The following SLC8A3 variants were observed in gnomAD, a reference collection of about 807,000 sequenced individuals.
SLC8A3 encodes sodium/calcium exchanger 3.
A neutral mutation model predicts 65.4 loss-of-function variants in SLC8A3; 37 were observed. The observed-to-expected ratio is 0.57, with a 90% CI of 0.44 to 0.74. SLC8A3 has a LOEUF of 0.74. Ranked by LOEUF, SLC8A3 falls within the 30% of genes least tolerant of loss-of-function variation. SLC8A3 has a pLI of 0.00. For synonymous variants in SLC8A3, 461 were observed against 444.5 expected, an observed-to-expected ratio of 1.04 and a Z score of -0.47; for missense variants, 1,112 against 1,172.1, an observed-to-expected ratio of 0.95 and a Z score of 0.75.
intron 2 of SLC8A3, among the ~76,000 whole-genome samples, chr14:70,160,671 G>A (rs1396160456): frequency 6.6e-6 from 1 of 152,058 alleles, no homozygotes; most frequent in Non-Finnish European, 1.5e-5. Context: ...ACTTAGGTAG[G>A]AGAATTGCTG....
Position 70,048,810 on chromosome 14 carries a change from T to G in SLC8A3, c.2346A>C (p.Ser782=). Residue 782 remains serine, a synonymous_variant, in exon 6 of 7, where the codon TCA becomes TCC. Transcript: ENST00000356921. ...ATGCCACGAAAACAACAGCTGTGAC[T>G]GAATCTTTGAGACCAATGGTGCAGC... ...HFGCTIGLKD[S]VTAVVFVAFG... is the part of the protein sequence containing the mutation. 1 of 1,614,084 alleles carries G rather than the reference T, an allele frequency of 6.2e-7. No individual in the cohort carries two copies. Among genetic ancestry groups the G allele is most frequent in the Non-Finnish European group, 8.5e-7 (1 of 1,179,996 alleles).
intron 2 of SLC8A3, among the ~76,000 whole-genome samples, chr14:70,124,177 T>C (rs1313299349): frequency 2.0e-5 from 3 of 151,664 alleles, no homozygotes; most frequent in Non-Finnish European, 4.4e-5. Context: ...AGTAGAAAAA[T>C]AGTAGAACTA....
At chr14:70,121,456 T>G (rs1894045947) in intron 2 of SLC8A3, among the ~76,000 whole-genome samples, 1 of 152,238 alleles carries the variant, frequency 6.6e-6, no homozygotes, top group Admixed American at 6.5e-5. Flanking sequence ...TCTCGTCAAG[T>G]CTAACGTCCA....
At chr14:70,056,014 G>A (rs754281924) in intron 3 of SLC8A3, among the ~76,000 whole-genome samples, 4 of 152,160 alleles carry the variant, frequency 2.6e-5, no homozygotes, top group Non-Finnish European at 2.9e-5. Flanking sequence ...GTGAGCAGCC[G>A]GAGAGGCTGC....
rs186036062 is a variant in SLC8A3, at chr14:70,143,830, C to T, written c.1784+22809G>A. The stretch of plus-strand genomic sequence containing the variant: ...GAACCAGCAGCTCTATTCCCCTCTA[C>T]CCAGGCTCTGAGCTGTTACACGGCT... On this transcript the variant is annotated intron_variant, in intron 2 of 6. Transcript: ENST00000356921. Among the ~76,000 whole-genome samples the T allele has an allele frequency of 5.8e-4, 88 of 152,292 alleles. 1 individual carries two copies. In the South Asian group the frequency reaches 7.7e-3, roughly 13 times the overall value.
At chr14:70,153,306 C>T (rs947299351) in intron 2 of SLC8A3, among the ~76,000 whole-genome samples, 9 of 152,082 alleles carry the variant, frequency 5.9e-5, no homozygotes, top group South Asian at 2.1e-4. Flanking sequence ...GGGGAAGAAC[C>T]GGGTGCTGCT....
chr14:70,157,114 G>C (rs1398730532), intron 2 of SLC8A3, among the ~76,000 whole-genome samples: 1 of 152,136 alleles, frequency 6.6e-6, no homozygotes, highest in Non-Finnish European at 1.5e-5. Flanking sequence ...CATTTGGGCT[G>C]GGGGATTCTG....
chr14:70,170,544 C>T (rs948358699), intron 1 of SLC8A3, among the ~76,000 whole-genome samples: 6 of 152,202 alleles, frequency 3.9e-5, no homozygotes, highest in African/African-American at 1.4e-4. Context: ...TAAATGTAGT[C>T]ACCAATGAAG....
intron 2 of SLC8A3, among the ~76,000 whole-genome samples, chr14:70,116,529 A>C (rs907653744): frequency 2.0e-5 from 3 of 152,190 alleles, no homozygotes; most frequent in African/African-American, 7.2e-5. Flanking sequence ...CCAGGCCTTT[A>C]AGGTGCCAGG....
At position 70,048,939 on chromosome 14, in the gene SLC8A3, A is replaced by G. The variant is rs1258662055; in HGVS notation, c.2217T>C (p.Cys739=). The change falls in exon 6 of 7, where the codon TGT becomes TGC. Residue 739 remains cysteine, a synonymous_variant. Coordinates refer to ENST00000356921, the MANE Select transcript of SLC8A3 (RefSeq NM_182932.3). ...LTVFWKVLFA[C]VPPTEYCHGW... is the part of the protein sequence containing the mutation. Reference sequence around the variant, plus strand: ...CGTGGCAGTACTCTGTGGGGGGCACACAGGCAAACAGCACCTTCCAGAAGA... The same window carrying G: ...CGTGGCAGTACTCTGTGGGGGGCACGCAGGCAAACAGCACCTTCCAGAAGA... 3 of 1,614,264 alleles carry G rather than the reference A, an allele frequency of 1.9e-6. No homozygotes were observed. The highest frequency in any genetic ancestry group is 2.5e-6 in the Non-Finnish European group (3 of 1,180,044).
chr14:70,091,081 C>A (rs181466705), intron 2 of SLC8A3, among the ~76,000 whole-genome samples: 14 of 152,310 alleles, frequency 9.2e-5, no homozygotes, highest in African/African-American at 3.4e-4. Context: ...AGGAAAACAG[C>A]TGCAACGATA....
intron 2 of SLC8A3, among the ~76,000 whole-genome samples, chr14:70,103,804 T>C (rs1219954897): frequency 1.3e-5 from 2 of 152,030 alleles, no homozygotes; most frequent in African/African-American, 2.4e-5. Context: ...ACTGTATTGA[T>C]AAGCATATTA....
intron 2 of SLC8A3, among the ~76,000 whole-genome samples, chr14:70,093,698 T>C (rs7161555): frequency 0.56 from 84,439 of 152,034 alleles, 23,858 homozygotes; most frequent in South Asian, 0.68. Flanking sequence ...GCCTTCCCAA[T>C]TCTGATGTCT....
intron 2 of SLC8A3, among the ~76,000 whole-genome samples, chr14:70,081,529 C>G (rs1026206670): frequency 6.6e-6 from 1 of 152,176 alleles, no homozygotes; most frequent in Non-Finnish European, 1.5e-5. Context: ...TTCCAACTGC[C>G]CTCTGGGCCT....
chr14:70,060,678 A>G (rs1440464667), intron 3 of SLC8A3, 158 bp downstream of exon 3: 3 of 756,318 alleles, frequency 4.0e-6, no homozygotes, highest in Non-Finnish European at 7.3e-6. Context: ...GAGGGAAAAG[A>G]ATAAAAAAAT....
chr14:70,146,966 T>A lies in SLC8A3; in HGVS notation c.1784+19673A>T, dbSNP rs934824213. ...AAGTGTCTTGAAGCAGAAACACACATAAGACAAGGTATATATTGATCAGTT... is the reference window on the plus strand; with the variant it reads ...AAGTGTCTTGAAGCAGAAACACACAAAAGACAAGGTATATATTGATCAGTT... On this transcript the variant is annotated intron_variant, in intron 2 of 6. Transcript: ENST00000356921. Among the ~76,000 whole-genome samples the A allele has an allele frequency of 3.3e-5, 5 of 152,166 alleles. No individual in the cohort carries two copies. In the East Asian group the frequency reaches 9.6e-4, roughly 29 times the overall value.
intron 2 of SLC8A3, among the ~76,000 whole-genome samples, chr14:70,083,087 A>T (rs1176903405): frequency 6.6e-6 from 1 of 152,116 alleles, no homozygotes; most frequent in Non-Finnish European, 1.5e-5. Flanking sequence ...AAACCTTCAT[A>T]AGTTTAGGCT....
chr14:70,150,961 T>A (rs949033402), intron 2 of SLC8A3, among the ~76,000 whole-genome samples: 1 of 152,154 alleles, frequency 6.6e-6, no homozygotes, highest in Non-Finnish European at 1.5e-5. Flanking sequence ...GGCAGTTGTT[T>A]AAGAACTATC....
chr14:70,111,303 T>C (rs1893285793), intron 2 of SLC8A3, among the ~76,000 whole-genome samples: 1 of 152,224 alleles, frequency 6.6e-6, no homozygotes, highest in Admixed American at 6.5e-5. Context: ...TAAGCTGCCA[T>C]GACAGTCCAC....
Sources: gnomAD v4.1 joint callset for allele counts (sites outside exome capture counted in the v4.1 genomes callset) on GRCh38, gnomAD v4.1.1 for gene constraint, MANE v1.5 for transcripts, NCBI Gene and HGNC (gene_info 2026-07-23, HGNC 2026-07-21) for gene names.